Variants in ALDH18A1 observed in about 807,000 individuals in gnomAD.
ALDH18A1 encodes delta-1-pyrroline-5-carboxylate synthase.
Under a neutral mutation model 88.8 loss-of-function variants are expected in ALDH18A1, and 44 were observed. The ratio of observed to expected loss-of-function variants is 0.50; its 90% confidence interval spans 0.39 to 0.64. The LOEUF (loss-of-function observed/expected upper bound fraction) is 0.64. ALDH18A1 is among the 30% of genes least tolerant of loss of function. The pLI, the probability that ALDH18A1 is intolerant of heterozygous loss-of-function variation, is 0.00. For missense variants in ALDH18A1, 782 were observed against 1,009.5 expected, an observed-to-expected ratio of 0.77 and a Z score of 3.05; for synonymous variants, 331 against 372.1, an observed-to-expected ratio of 0.89 and a Z score of 1.27.
intron 2 of ALDH18A1, among the ~76,000 whole-genome samples, chr10:95,651,304 G>C (rs1051423449): frequency 1.3e-5 from 2 of 152,128 alleles, no homozygotes; most frequent in African/African-American, 4.8e-5. Context: ...AAATAAAAAA[G>C]AGTGACCACA....
intron 13 of ALDH18A1, among the ~76,000 whole-genome samples, chr10:95,615,281 G>A (rs138019630): frequency 6.0e-4 from 91 of 151,236 alleles, no homozygotes; most frequent in African/African-American, 2.1e-3. Context: ...GCAGTGAGCC[G>A]AGAGCCAAGA....
In ALDH18A1 at chr10:95,656,015, T is replaced by C. The variant is rs1589590322; in HGVS notation, c.-29+582A>G. 3.3e-5 allele frequency among the ~76,000 whole-genome samples: 5 copies of C among 152,208 alleles called. No homozygotes were observed. In the South Asian group the frequency reaches 1.0e-3, roughly 32 times the overall value. On this transcript the variant is annotated intron_variant, in intron 1 of 17. Transcript: ENST00000371224. ...TGGGGGAAGGACGAGGTGGGGTATG[T>C]GGGTGCGTCCTGCTGTAACAGGAAG...
chr10:95,610,114 G>A, intron 17 of ALDH18A1, 83 bp downstream of exon 17: 1 of 1,305,588 alleles, frequency 7.7e-7, no homozygotes, highest in Admixed American at 1.7e-5. Flanking sequence ...TCAAGGGGAG[G>A]TGTCTTTCCC....
rs773131152 is a variant in ALDH18A1, at chr10:95,625,427, T to C, written c.1181A>G (p.Asp394Gly). 8 of 1,613,890 alleles carry C rather than the reference T, an allele frequency of 5.0e-6. No individual in the cohort carries two copies. The highest frequency in any genetic ancestry group is 1.7e-6 in the Non-Finnish European group (2 of 1,179,958). The change falls in exon 11 of 18, where the codon GAT (aspartate) becomes GGT (glycine). Residue 394 changes from aspartate (D) to glycine (G), a missense_variant. By Grantham distance (94) the Asp-to-Gly change is moderately conservative. Around this residue, in one of 3 missense-constraint regions of ALDH18A1, gnomAD observed 556 missense variants for 654.5 expected, o/e 0.85. Coordinates refer to ENST00000371224, the MANE Select transcript of ALDH18A1 (RefSeq NM_002860.4). ...CTCATCACGCTGGTCCGTCAACAGA[T>C]CAGCCAGATGATGGATAATTTCTGC... ...QRAEIIHHLA[D>G]LLTDQRDEIL...
rs776453485 is a variant in ALDH18A1 at position 95,606,765 on chromosome 10, G to A, written c.2385C>T (p.Asn795=). Residue 795 remains asparagine, a synonymous_variant, in exon 18 of 18, where the codon AAC becomes AAT. Transcript: ENST00000371224. ...ENLPIPQRNT[N] ...TCCCGGGTTTTCCTGGCTCTTTTCAGTTGGTGTTTCTCTGAGGAATAGGGA... is the reference window on the plus strand; with the variant it reads ...TCCCGGGTTTTCCTGGCTCTTTTCAATTGGTGTTTCTCTGAGGAATAGGGA... 1 of 1,614,170 alleles carries A rather than the reference G, an allele frequency of 6.2e-7. No homozygotes were observed. Among genetic ancestry groups the A allele is most frequent in the Non-Finnish European group, 8.5e-7 (1 of 1,180,000 alleles).
intron 16 of ALDH18A1, among the ~76,000 whole-genome samples, chr10:95,610,968 A>G (rs751823498): frequency 5.3e-5 from 8 of 152,188 alleles, no homozygotes; most frequent in Non-Finnish European, 5.9e-5. Context: ...AAATGGGTTT[A>G]TTTTAACTAC....
chr10:95,607,979 C>A (rs753344799), intron 17 of ALDH18A1, among the ~76,000 whole-genome samples: 1 of 152,202 alleles, frequency 6.6e-6, no homozygotes, highest in African/African-American at 2.4e-5. Context: ...GACCACATGA[C>A]TTTGGACATA....
rs1168868123 is a variant in ALDH18A1 at position 95,611,407 on chromosome 10, A to G, written c.1959T>C (p.Tyr653=). Reference sequence around the variant, plus strand: ...TCACTTCGGAGGGGCTGAAGGTCAGATAGGAGGCAAATTTGGGGCCTGCAT... The same window carrying G: ...TCACTTCGGAGGGGCTGAAGGTCAGGTAGGAGGCAAATTTGGGGCCTGCAT... The part of the protein sequence containing the change: ...KIHAGPKFAS[Y]LTFSPSEVKS... Residue 653 remains tyrosine, a synonymous_variant, in exon 16 of 18, where the codon TAT becomes TAC. Transcript: ENST00000371224. 6.2e-7 allele frequency: 1 copy of G among 1,614,220 alleles called. No homozygotes were observed. Among genetic ancestry groups the G allele is most frequent in the Non-Finnish European group, 8.5e-7 (1 of 1,180,030 alleles).
chr10:95,636,142 T>C (rs1280634213), intron 5 of ALDH18A1, among the ~76,000 whole-genome samples: 1 of 151,880 alleles, frequency 6.6e-6, no homozygotes, highest in Non-Finnish European at 1.5e-5. Context: ...AGGCAAATGA[T>C]GGAGAAACAA....
rs1405015772 is a variant in ALDH18A1 at position 95,628,500 on chromosome 10, A to G, written c.809-8T>C. 1.2e-6 allele frequency: 2 copies of G among 1,612,460 alleles called. No individual in the cohort carries two copies. The highest frequency in any genetic ancestry group is 1.7e-5 in the Admixed American group (1 of 60,014). The stretch of plus-strand genomic sequence containing the variant: ...GGGGGCTGTCAAAAAGGCCTAAAAA[A>G]TAGACAAGAGTCAGTAATACTGCTT... On this transcript the variant is annotated splice_region_variant and splice_polypyrimidine_tract_variant and intron_variant, in intron 7 of 17. Transcript: ENST00000371224.
In ALDH18A1 at chr10:95,621,195, T is replaced by C. The variant is rs2097851928; in HGVS notation, c.1303A>G (p.Ser435Gly). The change falls in exon 12 of 18, where the codon AGC becomes GGC. Residue 435 changes from serine to glycine, a missense_variant. Physicochemically the swap from Ser to Gly is moderately conservative, Grantham distance 56. Coordinates refer to ENST00000371224, the MANE Select transcript of ALDH18A1 (RefSeq NM_002860.4). ...RLSLSTSKLNSLAIGLRQIAA... is the reference protein window; with the variant it reads ...RLSLSTSKLNGLAIGLRQIAA... The stretch of plus-strand genomic sequence containing the variant: ...ATCTGTCGCAGACCGATGGCCAGGC[T>C]GTTCAATTTGGATGTGGAGAGGCTT... 6.2e-7 allele frequency: 1 copy of C among 1,613,962 alleles called. No homozygotes were observed. Among genetic ancestry groups the C allele is most frequent in the Non-Finnish European group, 8.5e-7 (1 of 1,180,024 alleles).
rs561869574 is a variant in ALDH18A1 at position 95,607,900 on chromosome 10, G to A, written c.2207-957C>T. 4.6e-5 allele frequency among the ~76,000 whole-genome samples: 7 copies of A among 152,314 alleles called. No individual in the cohort carries two copies. The South Asian group carries it at 1.0e-3, about 23-fold the overall frequency. On this transcript the variant is annotated intron_variant, in intron 17 of 17. Coordinates refer to ENST00000371224, the MANE Select transcript of ALDH18A1 (RefSeq NM_002860.4). ...GTACGAGACACAGTAGGGGCGGGAT[G>A]TGCTTGGGGTAGTGGTTGGCAAGGA...
chr10:95,623,925 T>C (rs2097856874), intron 11 of ALDH18A1, among the ~76,000 whole-genome samples: 1 of 152,070 alleles, frequency 6.6e-6, no homozygotes, highest in South Asian at 2.1e-4. Context: ...GGTCTCGAAC[T>C]CATGACCTCA....
chr10:95,608,063 G>A (rs1335182138), intron 17 of ALDH18A1, among the ~76,000 whole-genome samples: 2 of 152,220 alleles, frequency 1.3e-5, no homozygotes, highest in Non-Finnish European at 2.9e-5. Context: ...AATGAAGTGA[G>A]AGCATGCTTG....
intron 13 of ALDH18A1, 50 bp downstream of exon 13, chr10:95,616,427 A>G (rs1222842712): frequency 1.3e-6 from 2 of 1,551,432 alleles, no homozygotes; most frequent in East Asian, 4.9e-5. Context: ...ATTCCCAAAC[A>G]CCTGATCTGG....
rs2097833639 is a variant in ALDH18A1, at chr10:95,611,199, C to A, written c.2110+57G>T. 2.5e-6 allele frequency: 4 copies of A among 1,602,992 alleles called. No individual in the cohort carries two copies. The Admixed American group carries it at 6.7e-5, about 27-fold the overall frequency. On this transcript the variant is annotated intron_variant, in intron 16 of 17. Transcript: ENST00000371224. Reference sequence around the variant, plus strand: ...GCAGCCCAAGGGGGGCTAAGAGGAGCAGGATCAGAAAGCAGCAAAGGCAGA... The same window carrying A: ...GCAGCCCAAGGGGGGCTAAGAGGAGAAGGATCAGAAAGCAGCAAAGGCAGA...
At chr10:95,627,401 T>C in intron 9 of ALDH18A1, 41 bp downstream of exon 9, 4 of 1,612,750 alleles carry the variant, frequency 2.5e-6, no homozygotes, top group Non-Finnish European at 3.4e-6. Flanking sequence ...GTGTCACTAG[T>C]TCCCATCACA....
chr10:95,612,352 C>G (rs769362700), intron 15 of ALDH18A1, among the ~76,000 whole-genome samples: 6 of 152,328 alleles, frequency 3.9e-5, no homozygotes, highest in Middle Eastern at 3.4e-3. Flanking sequence ...AGGCTGGTCA[C>G]CGAGGATCCC....
chr10:95,609,566 A>T (rs2097829239), intron 17 of ALDH18A1, among the ~76,000 whole-genome samples: 1 of 152,170 alleles, frequency 6.6e-6, no homozygotes, highest in African/African-American at 2.4e-5. Flanking sequence ...GGACTTGCTC[A>T]AGTTTGGGTC....
Sources: allele counts gnomAD v4.1 joint callset (sites outside exome capture counted in the v4.1 genomes callset), GRCh38; gene constraint gnomAD v4.1.1; regional missense constraint gnomAD v4.1.1; transcripts MANE v1.5; gene names NCBI Gene and HGNC (gene_info 2026-07-23, HGNC 2026-07-21).